Variants in SESN2 observed in about 807,000 individuals in gnomAD.
SESN2 encodes the protein sestrin-2.
Under a neutral mutation model 56.0 loss-of-function variants are expected in SESN2, and 42 were observed. The ratio of observed to expected loss-of-function variants is 0.75; its 90% CI spans 0.59 to 0.97. SESN2 has a LOEUF of 0.97. Among genes scored for constraint, SESN2 ranks in the 50% least tolerant of loss-of-function variants. The pLI is 0.00. For missense variants in SESN2, 507 were observed against 649.4 expected (o/e 0.78, Z 2.38); for synonymous variants, 264 against 267.1 (o/e 0.99, Z 0.11).
Position 28,272,281 on chromosome 1 carries a change from C to T in SESN2, c.355-3C>T. 1 of 1,613,670 alleles carries T rather than the reference C, an allele frequency of 6.2e-7. No individual in the cohort carries two copies. Among genetic ancestry groups the T allele is most frequent in the Non-Finnish European group, 8.5e-7 (1 of 1,179,840 alleles). Reference sequence around the variant, plus strand: ...ACTCAGGCTGTGTCCACTACCTCCGCAGGCTGCCGCCCGCCATCAGTGTTC... The same window carrying T: ...ACTCAGGCTGTGTCCACTACCTCCGTAGGCTGCCGCCCGCCATCAGTGTTC... On this transcript the variant is annotated splice_region_variant and splice_polypyrimidine_tract_variant and intron_variant, in intron 3 of 9. Transcript: ENST00000253063.
intron 7 of SESN2, 126 bp downstream of exon 7, chr1:28,274,284 C>T: frequency 4.3e-6 from 3 of 692,462 alleles, no homozygotes. Flanking sequence ...GTAATCCCAG[C>T]ACTTTGGGAA....
chr1:28,271,595 C>G (rs1316288709), intron 2 of SESN2, 79 bp from the exon 3 acceptor site: 1 of 1,137,110 alleles, frequency 8.8e-7, no homozygotes, highest in Admixed American at 1.9e-5. Context: ...CCATTAAAAA[C>G]CCACTGGAAG....
At chr1:28,274,715 T>A (rs1457997071) in intron 7 of SESN2, 110 bp from the exon 8 acceptor site, 12 of 872,060 alleles carry the variant, frequency 1.4e-5, no homozygotes, top group Non-Finnish European at 2.2e-5. Context: ...GCACGTTAGG[T>A]TTATGGCACC....
chr1:28,274,914 C>G lies in SESN2; in HGVS notation c.1110C>G (p.Ala370=). The G allele has an allele frequency of 6.2e-7, 1 of 1,614,184 alleles. No homozygotes were observed. Among genetic ancestry groups the G allele is most frequent in the Non-Finnish European group, 8.5e-7 (1 of 1,180,008 alleles). The change falls in exon 8 of 10, where the codon GCC becomes GCG. Residue 370 remains alanine, a synonymous_variant. Transcript: ENST00000253063. ...TGCTGGATGAGAAGTTCCAGGCAGC[C>G]TATAGCCTCACCTACAATACCATCG... The part of the protein sequence containing the change: ...GQLLDEKFQA[A]YSLTYNTIAM...
intron 8 of SESN2, among the ~76,000 whole-genome samples, chr1:28,277,603 A>G (rs1648096958): frequency 6.6e-6 from 1 of 152,150 alleles, no homozygotes; most frequent in African/African-American, 2.4e-5. Context: ...TATTCATTTC[A>G]GTTGTTTTAT....
intron 1 of SESN2, among the ~76,000 whole-genome samples, chr1:28,264,585 A>G (rs1647495110): frequency 6.6e-6 from 1 of 152,170 alleles, no homozygotes; most frequent in African/African-American, 2.4e-5. Context: ...GTTACGTGGA[A>G]CTGGAATCAT....
chr1:28,278,701 C>T (rs1348137409), intron 8 of SESN2, among the ~76,000 whole-genome samples: 1 of 152,146 alleles, frequency 6.6e-6, no homozygotes, highest in Non-Finnish European at 1.5e-5. Context: ...AAACAAAGAC[C>T]ATTCCTTGCT....
chr1:28,272,380 C>G lies in SESN2; in HGVS notation c.451C>G (p.Arg151Gly), dbSNP rs375209538. Residue 151 changes from arginine to glycine, a missense_variant, in exon 4 of 10, where the codon CGG becomes GGG. Transcript: ENST00000253063. ...GDPEWLLGLHRAPEKLRKLSE... is the reference protein window; with the variant it reads ...GDPEWLLGLHGAPEKLRKLSE... Reference sequence around the variant, plus strand: ...CCCTGAGTGGCTGCTGGGCCTCCACCGGGCCCCCGAGAAGCTGCGCAAACT... The same window carrying G: ...CCCTGAGTGGCTGCTGGGCCTCCACGGGGCCCCCGAGAAGCTGCGCAAACT... 6.2e-7 allele frequency: 1 copy of G among 1,613,748 alleles called. No individual in the cohort carries two copies.
chr1:28,279,345 G>T, intron 9 of SESN2, 104 bp downstream of exon 9: 1 of 1,174,286 alleles, frequency 8.5e-7, no homozygotes. Flanking sequence ...AGTCTGTCCT[G>T]CTAGGTGGGA....
chr1:28,268,938 G>A (rs542755281), intron 1 of SESN2, among the ~76,000 whole-genome samples: 1 of 152,278 alleles, frequency 6.6e-6, no homozygotes, highest in South Asian at 2.1e-4. Flanking sequence ...CTCCCATCCC[G>A]CAATGCTGGG....
chr1:28,274,798 TCAC>T, intron 7 of SESN2, 24 bp from the exon 8 acceptor site: 8 of 1,576,274 alleles, frequency 5.1e-6, no homozygotes, highest in Non-Finnish European at 6.9e-6. Context: ...CTCCAAAGAC[TCAC>T]CAATCCCTTC....
chr1:28,259,960 C>G, intron 1 of SESN2, 23 bp downstream of exon 1: 1 of 1,486,682 alleles, frequency 6.7e-7, no homozygotes, highest in Non-Finnish European at 8.9e-7. Flanking sequence ...CGCGCGACGC[C>G]CCTCTTCCCT....
Position 28,259,605 on chromosome 1 carries a change from C to A in SESN2, c.-243C>A, listed in dbSNP as rs1647298147. 1 of 422,576 alleles carries A rather than the reference C, an allele frequency of 2.4e-6. No homozygotes were observed. Among genetic ancestry groups the A allele is most frequent in the African/African-American group, 2.1e-5 (1 of 48,528 alleles). The allele number at this position is 422,576 out of a possible 1,614,324, so 26.2% of individuals were successfully genotyped here. On this transcript the variant is annotated 5_prime_UTR_variant, in exon 1 of 10. In the 5' UTR this introduces an upstream ATG that the reference lacks. Transcript: ENST00000253063. ...CGGACTTCCGAGGCCGTGAAAACCC[C>A]TGCGCTGCGGCCCTTCCCAGGCCCC...
At chr1:28,278,939 A>G (rs547428160) in intron 8 of SESN2, among the ~76,000 whole-genome samples, 158 bp from the exon 9 acceptor site, 1 of 152,326 alleles carries the variant, frequency 6.6e-6, no homozygotes, top group South Asian at 2.1e-4. Flanking sequence ...TGATAACACG[A>G]TATCAGCTGT....
intron 1 of SESN2, among the ~76,000 whole-genome samples, chr1:28,262,684 T>G (rs1031843877): frequency 6.9e-6 from 1 of 145,476 alleles, no homozygotes; most frequent in Non-Finnish European, 1.5e-5. Flanking sequence ...ATCCAAGCAC[T>G]TTGGGAGGCC....
intron 1 of SESN2, 144 bp downstream of exon 1, chr1:28,260,081 G>A: frequency 1.8e-6 from 1 of 541,774 alleles, no homozygotes; most frequent in Non-Finnish European, 3.1e-6. Context: ...TGCATCAACT[G>A]GCAGCCGCGG....
At chr1:28,280,678 T>C in intron 9 of SESN2, 38 bp from the exon 10 acceptor site, 1 of 1,514,662 alleles carries the variant, frequency 6.6e-7, no homozygotes, top group Non-Finnish European at 9.2e-7. Flanking sequence ...GGGTGAGGAG[T>C]GACATCAGTT....
At chr1:28,272,922 T>C in intron 5 of SESN2, 129 bp downstream of exon 5, 1 of 621,312 alleles carries the variant, frequency 1.6e-6, no homozygotes, top group South Asian at 2.0e-5. Context: ...GAAAAGTTAT[T>C]TGACTTTGAA....
intron 8 of SESN2, among the ~76,000 whole-genome samples, chr1:28,275,318 C>CTA (rs1553172747): frequency 1.3e-4 from 19 of 149,100 alleles, no homozygotes; most frequent in African/African-American, 4.3e-4. Context: ...CACACACACA[C>CTA]TATATATATA....
Sources: allele counts gnomAD v4.1 joint callset (sites outside exome capture counted in the v4.1 genomes callset), GRCh38; gene constraint gnomAD v4.1.1; transcripts MANE v1.5; gene names NCBI Gene and HGNC (gene_info 2026-07-23, HGNC 2026-07-21).